NBN: variants seen among roughly 807,000 people sequenced by gnomAD.
The protein encoded by NBN is Nijmegen breakage syndrome 1 (nibrin).
NBN carries 88 observed loss-of-function variants against 90.8 expected under a neutral mutation model. The observed-to-expected ratio is 0.97, with a 90% CI of 0.82 to 1.16. The LOEUF (loss-of-function observed/expected upper bound fraction) is 1.16. Ranked by LOEUF, NBN falls within the 50% of genes most tolerant of loss-of-function variation. The pLI is 0.00. For synonymous variants in NBN, 328 were observed against 295.1 expected, an observed-to-expected ratio of 1.11 and a Z score of -1.14; for missense variants, 894 against 869.6, an observed-to-expected ratio of 1.03 and a Z score of -0.35.
At chr8:89,981,209 C>T (rs1310885021) in intron 3 of NBN, among the ~76,000 whole-genome samples, 166 bp downstream of exon 3, 2 of 152,102 alleles carry the variant, frequency 1.3e-5, no homozygotes, top group Admixed American at 6.5e-5. Flanking sequence ...CTCTCATCAC[C>T]GTGATGTACA....
intron 4 of NBN, among the ~76,000 whole-genome samples, chr8:89,979,896 C>G (rs1031466139): frequency 6.6e-6 from 1 of 152,186 alleles, no homozygotes; most frequent in Admixed American, 6.6e-5. Flanking sequence ...TGATTACTTA[C>G]TCTATTTCTT....
At chr8:89,942,370 C>T (rs570129121) in intron 14 of NBN, among the ~76,000 whole-genome samples, 8 of 152,074 alleles carry the variant, frequency 5.3e-5, no homozygotes, top group South Asian at 2.1e-4. Flanking sequence ...GTAGAAGACT[C>T]GAAGATAGAA....
intron 5 of NBN, among the ~76,000 whole-genome samples, chr8:89,973,443 C>T (rs898645944): frequency 6.6e-6 from 1 of 152,162 alleles, no homozygotes; most frequent in Non-Finnish European, 1.5e-5. Context: ...AAATACAAAA[C>T]TGTATTATCT....
chr8:89,980,833 A>C lies in NBN; in HGVS notation c.381T>G (p.Ala127=). 6.2e-7 allele frequency: 1 copy of C among 1,612,678 alleles called. No individual in the cohort carries two copies. ...SSCLDVSGKT[A]LNQAILQLGG... ...CAAGTTGCAATATAGCTTGATTTAA[A>C]GCAGTTTTCCCAGAGACATCTAAAC... is the stretch of plus-strand genomic sequence containing the variant. Residue 127 remains alanine, a synonymous_variant, in exon 4 of 16, where the codon GCT becomes GCG. Coordinates refer to ENST00000265433, the MANE Select transcript of NBN (RefSeq NM_002485.5).
At position 89,963,026 on chromosome 8, in the gene NBN, T is replaced by C. The variant is rs1811068924; in HGVS notation, c.994+1384A>G. ...AGTTCCCTCATCTACGAAAAGTAGA[T>C]GATGCTCTTCCCTCTATCTTATAAG... On this transcript the variant is annotated intron_variant, in intron 8 of 15. Coordinates refer to ENST00000265433, the MANE Select transcript of NBN (RefSeq NM_002485.5). 1.3e-5 allele frequency among the ~76,000 whole-genome samples: 2 copies of C among 152,230 alleles called. 1 individual carries two copies. Among genetic ancestry groups the C allele is most frequent in the South Asian group, 4.1e-4 (2 of 4,832 alleles).
At chr8:89,954,437 TGGA>T (rs897427605) in intron 10 of NBN, among the ~76,000 whole-genome samples, 33 of 151,732 alleles carry the variant, frequency 2.2e-4, no homozygotes, top group Admixed American at 1.8e-3. Flanking sequence ...TAGATGGAAA[TGGA>T]GGGATTGACA....
chr8:89,973,648 A>G (rs969721761), intron 5 of NBN, among the ~76,000 whole-genome samples: 4 of 152,236 alleles, frequency 2.6e-5, no homozygotes, highest in African/African-American at 9.6e-5. Flanking sequence ...AAGAAAGAAA[A>G]GACTAGTGAT....
rs774256651 is a variant in NBN, at chr8:89,955,282, C to T, written c.1397+1G>A. 1.2e-6 allele frequency: 2 copies of T among 1,613,214 alleles called. No homozygotes were observed. The highest frequency in any genetic ancestry group is 2.2e-5 in the East Asian group (1 of 44,858). The stretch of plus-strand genomic sequence containing the variant: ...CATGAGAGAAGTTATCAAAAACAGA[C>T]CTTTTTTTGGTAGACGGCTGAAAGT... On this transcript the variant is annotated splice_donor_variant, in intron 10 of 15. Coordinates refer to ENST00000265433, the MANE Select transcript of NBN (RefSeq NM_002485.5). LOFTEE classifies it high-confidence loss of function.
At chr8:89,938,540 C>T (rs1240636441) in intron 14 of NBN, among the ~76,000 whole-genome samples, 1 of 152,010 alleles carries the variant, frequency 6.6e-6, no homozygotes, top group African/African-American at 2.4e-5. Context: ...ATACTATTAT[C>T]TCAGTTTTAA....
rs1044914329 is a variant in NBN, at chr8:89,984,468, C to A, written c.37+57G>T. On this transcript the variant is annotated intron_variant, in intron 1 of 15. Coordinates refer to ENST00000265433, the MANE Select transcript of NBN (RefSeq NM_002485.5). ...GACGCAGGAATCACCCGCAGGCCCT[C>A]CCCCGAGGCAGTCGCTACCGGGAAA... The A allele has an allele frequency of 1.2e-5, 18 of 1,524,732 alleles. No individual in the cohort carries two copies. In the African/African-American group the frequency reaches 2.2e-4, roughly 19 times the overall value. 94.5% of individuals were successfully genotyped at this position (1,524,732 alleles called of 1,614,324 possible).
intron 8 of NBN, among the ~76,000 whole-genome samples, chr8:89,960,667 T>C (rs1347708723): frequency 6.6e-6 from 1 of 151,936 alleles, no homozygotes; most frequent in African/African-American, 2.4e-5. Context: ...ATAATAATAA[T>C]AAGCTAATGA....
At chr8:89,981,559 ACT>A (rs1488549196) in intron 2 of NBN, 36 bp from the exon 3 acceptor site, 6 of 1,608,652 alleles carry the variant, frequency 3.7e-6, no homozygotes, top group Middle Eastern at 2.0e-4. Context: ...GTCTTTTACC[ACT>A]CAGTACATTC....
chr8:89,975,327 G>A (rs766841203), intron 5 of NBN, among the ~76,000 whole-genome samples: 4 of 152,126 alleles, frequency 2.6e-5, no homozygotes, highest in Non-Finnish European at 5.9e-5. Context: ...TGGAACATTA[G>A]AGGTACTTAT....
chr8:89,940,667 CAGA>C (rs1464736593), intron 14 of NBN, among the ~76,000 whole-genome samples: 3 of 143,628 alleles, frequency 2.1e-5, no homozygotes, highest in Admixed American at 2.1e-4. Context: ...ATGCAAAAAA[CAGA>C]TAAAGAACCT....
At chr8:89,948,632 A>G (rs1810307729) in intron 11 of NBN, among the ~76,000 whole-genome samples, 1 of 152,258 alleles carries the variant, frequency 6.6e-6, no homozygotes, top group Non-Finnish European at 1.5e-5. Flanking sequence ...TTTCAGTAAT[A>G]CAGCAGTAAG....
Position 89,984,606 on chromosome 8 carries a change from C to CG in NBN, c.-46dup. 1 of 1,609,524 alleles carries CG rather than the reference C, an allele frequency of 6.2e-7. No homozygotes were observed. The highest frequency in any genetic ancestry group is 1.1e-5 in the South Asian group (1 of 90,556). On this transcript the variant is annotated 5_prime_UTR_variant, in exon 1 of 16. Coordinates refer to ENST00000265433, the MANE Select transcript of NBN (RefSeq NM_002485.5). ...TGGGGCCGACGTGCAACCGCGTAAC[C>CG]GGGGCTGCTAGACGAGCGCGGATAC...
intron 1 of NBN, 184 bp downstream of exon 1, chr8:89,984,341 C>G (rs1812226016): frequency 1.5e-6 from 1 of 664,040 alleles, no homozygotes; most frequent in Admixed American, 2.5e-5. Context: ...TGAATTCCAG[C>G]TCACAGCCGC....
chr8:89,978,318 T>TA lies in NBN; in HGVS notation c.485dup (p.Cys163MetfsTer17). The TA allele has an allele frequency of 6.3e-7, 1 of 1,581,884 alleles. No homozygotes were observed. The highest frequency in any genetic ancestry group is 1.1e-5 in the South Asian group (1 of 90,352). ...TTGGACGTCCACAAATGAGTGCACA[T>TA]ATTGTCTACAATGAAGAAAACATGT... On this transcript the variant is annotated frameshift_variant, in exon 5 of 16. Transcript: ENST00000265433. LOFTEE classifies it high-confidence loss of function.
intron 7 of NBN, among the ~76,000 whole-genome samples, chr8:89,969,178 G>A (rs1263278343): frequency 6.6e-6 from 1 of 152,144 alleles, no homozygotes; most frequent in Admixed American, 6.5e-5. Flanking sequence ...TCAGAAGACT[G>A]CCAAGCCATA....
Sources: gnomAD v4.1 joint callset for allele counts (sites outside exome capture counted in the v4.1 genomes callset) on GRCh38, gnomAD v4.1.1 for gene constraint, MANE v1.5 for transcripts, NCBI Gene and HGNC (gene_info 2026-07-23, HGNC 2026-07-21) for gene names.